The following TMEM209 variants were observed in gnomAD, a reference collection of about 807,000 sequenced individuals.
The protein encoded by TMEM209 is testicular tissue protein Li 202.
TMEM209 carries 65 observed loss-of-function variants against 76.2 expected under a neutral mutation model. The ratio of observed to expected loss-of-function variants is 0.85; its 90% CI spans 0.70 to 1.05. TMEM209 has a LOEUF of 1.05. Ranked by LOEUF, TMEM209 falls within the 50% of genes least tolerant of loss-of-function variation. The probability of loss-of-function intolerance (pLI) is 0.00; values close to 1 mark genes in which losing one functional copy is unlikely to be tolerated. For missense variants in TMEM209, 623 were observed against 685.5 expected (o/e 0.91, Z 1.02); for synonymous variants, 239 against 237.6 (o/e 1.01, Z -0.06).
chr7:130,181,819 A>G, intron 8 of TMEM209, 100 bp from the exon 9 acceptor site: 3 of 866,806 alleles, frequency 3.5e-6, no homozygotes, highest in Non-Finnish European at 5.4e-6. Context: ...TTTTTTTACT[A>G]TCTTATAGTT....
chr7:130,185,303 C>T lies in TMEM209; in HGVS notation c.840G>A (p.Gly280=). The T allele has an allele frequency of 6.2e-7, 1 of 1,613,934 alleles. No individual in the cohort carries two copies. ...PTFWNYSRSM[G]DYAQTLKKFQ... ...ACTTCTTTAAAGTTTGTGCATAATCCCCCATAGAACGACTATAGTTCCAGA... is the reference window on the plus strand; with the variant it reads ...ACTTCTTTAAAGTTTGTGCATAATCTCCCATAGAACGACTATAGTTCCAGA... The change falls in exon 7 of 15, where the codon GGG becomes GGA. Residue 280 remains glycine, a synonymous_variant. Transcript: ENST00000397622.
At chr7:130,171,803 G>A (rs1797075216) in intron 13 of TMEM209, among the ~76,000 whole-genome samples, 1 of 152,154 alleles carries the variant, frequency 6.6e-6, no homozygotes, top group Non-Finnish European at 1.5e-5. Context: ...GGCAAGGCAG[G>A]CGGATCACGA....
intron 13 of TMEM209, among the ~76,000 whole-genome samples, chr7:130,171,464 AAGAT>A (rs75307061): frequency 0.098 from 14,946 of 152,160 alleles, 758 homozygotes; most frequent in Middle Eastern, 0.14. Context: ...TGATTTTTAA[AAGAT>A]AATGTTTACA....
At chr7:130,198,571 A>T (rs1798075857) in intron 5 of TMEM209, among the ~76,000 whole-genome samples, 1 of 152,108 alleles carries the variant, frequency 6.6e-6, no homozygotes, top group Non-Finnish European at 1.5e-5. Context: ...AGATCACACC[A>T]CTGCACTCCA....
intron 5 of TMEM209, among the ~76,000 whole-genome samples, chr7:130,199,040 T>A (rs1798094184): frequency 6.6e-6 from 1 of 152,204 alleles, no homozygotes; most frequent in South Asian, 2.1e-4. Context: ...TTTTACATTT[T>A]ATGATGCTGT....
At chr7:130,187,977 T>C (rs920203853) in intron 6 of TMEM209, among the ~76,000 whole-genome samples, 2 of 152,146 alleles carry the variant, frequency 1.3e-5, no homozygotes, top group East Asian at 1.9e-4. Context: ...CCAAGAACTT[T>C]AGATAATTGA....
Position 130,202,577 on chromosome 7 carries a change from C to A in TMEM209, c.286G>T (p.Val96Phe). Residue 96 changes from valine (V) to phenylalanine (F), a missense_variant, in exon 4 of 15, where the codon GTT becomes TTT. Val to Phe is a conservative substitution (Grantham distance 50). Coordinates refer to ENST00000397622, the MANE Select transcript of TMEM209 (RefSeq NM_032842.4). ...AGTGTTTGCTGTCCAGGACTAACAA[C>A]CAGACTTGTTGGTGCCACAGTATAT... is the stretch of plus-strand genomic sequence containing the variant. ...FKYTVAPTSL[V>F]VSPGQQTLLG... is the part of the protein sequence containing the mutation. 1 of 1,613,692 alleles carries A rather than the reference C, an allele frequency of 6.2e-7. No homozygotes were observed. The highest frequency in any genetic ancestry group is 8.5e-7 in the Non-Finnish European group (1 of 1,179,758).
intron 13 of TMEM209, among the ~76,000 whole-genome samples, chr7:130,171,118 G>A (rs1417183582): frequency 1.3e-5 from 2 of 152,184 alleles, no homozygotes; most frequent in Non-Finnish European, 2.9e-5. Context: ...GTCTGGAAGA[G>A]CCTGGAGAGC....
At chr7:130,188,652 CA>C (rs1484558093) in intron 6 of TMEM209, among the ~76,000 whole-genome samples, 3 of 143,220 alleles carry the variant, frequency 2.1e-5, no homozygotes, top group Non-Finnish European at 4.6e-5. Context: ...ACCACTTTAT[CA>C]AGGACAAGGA....
chr7:130,171,903 C>T (rs1279766140), intron 13 of TMEM209, among the ~76,000 whole-genome samples: 1 of 151,896 alleles, frequency 6.6e-6, no homozygotes, highest in African/African-American at 2.4e-5. Flanking sequence ...CGTGGTGGCA[C>T]GCGCCTGTAG....
intron 6 of TMEM209, among the ~76,000 whole-genome samples, chr7:130,190,681 A>G (rs1463768365): frequency 6.6e-6 from 1 of 152,196 alleles, no homozygotes; most frequent in South Asian, 2.1e-4. Flanking sequence ...TAATCTTAAA[A>G]GGATGTTAGA....
Position 130,181,630 on chromosome 7 carries a change from C to T in TMEM209, c.1113G>A (p.Gln371=). 6.2e-7 allele frequency: 1 copy of T among 1,611,346 alleles called. No homozygotes were observed. Among genetic ancestry groups the T allele is most frequent in the Non-Finnish European group, 8.5e-7 (1 of 1,178,728 alleles). ...GGCTCTGTTTTCACATACCTCCTAT[C>T]TGTAGCTCTGGACAACCCATTCGTC... The part of the protein sequence containing the change: ...QMRRMGCPEL[Q]IGEASITSLK... The change falls in exon 9 of 15, where the codon CAG becomes CAA. Residue 371 remains glutamine (Q), a synonymous_variant. Coordinates refer to ENST00000397622, the MANE Select transcript of TMEM209 (RefSeq NM_032842.4).
At chr7:130,189,085 A>G (rs1403710119) in intron 6 of TMEM209, among the ~76,000 whole-genome samples, 2 of 152,220 alleles carry the variant, frequency 1.3e-5, no homozygotes, top group Non-Finnish European at 2.9e-5. Context: ...TGGATCCTGC[A>G]TCAATAAAAG....
intron 6 of TMEM209, among the ~76,000 whole-genome samples, chr7:130,186,968 C>A (rs764948446): frequency 6.6e-6 from 1 of 152,122 alleles, no homozygotes; most frequent in East Asian, 1.9e-4. Flanking sequence ...TAGGCCAGTG[C>A]GCGGTGGCTC....
rs574659318 is a variant in TMEM209 at position 130,190,491 on chromosome 7, C to G, written c.775+2131G>C. 4.6e-5 allele frequency among the ~76,000 whole-genome samples: 7 copies of G among 150,658 alleles called. No homozygotes were observed. The South Asian group carries it at 1.5e-3, about 32-fold the overall frequency. On this transcript the variant is annotated intron_variant, in intron 6 of 14. Transcript: ENST00000397622. ...CGAGATCGCACCACTGCACTCCAGC[C>G]TGGGCGACAGAGCCAAGACTCCATC... is the stretch of plus-strand genomic sequence containing the variant.
chr7:130,197,043 A>G (rs1018149783), intron 5 of TMEM209, among the ~76,000 whole-genome samples: 1 of 152,198 alleles, frequency 6.6e-6, no homozygotes, highest in African/African-American at 2.4e-5. Flanking sequence ...CCCAGGCAAC[A>G]TAGCAAGACC....
At chr7:130,170,540 CATA>C in intron 13 of TMEM209, 67 bp from the exon 14 acceptor site, 1 of 1,213,758 alleles carries the variant, frequency 8.2e-7, no homozygotes, top group Non-Finnish European at 1.2e-6. Flanking sequence ...TAGGTAAATA[CATA>C]TCTTATCAAT....
intron 10 of TMEM209, among the ~76,000 whole-genome samples, chr7:130,176,314 G>A (rs1341266008): frequency 1.3e-5 from 2 of 151,466 alleles, no homozygotes; most frequent in African/African-American, 2.4e-5. Flanking sequence ...GCAGAGATGG[G>A]GTTTCACCGT....
At chr7:130,188,622 A>G (rs1241883665) in intron 6 of TMEM209, among the ~76,000 whole-genome samples, 1 of 144,330 alleles carries the variant, frequency 6.9e-6, no homozygotes, top group Non-Finnish European at 1.5e-5. Context: ...AAAAAAAAAG[A>G]AAATCTCTAC....
Sources: allele counts gnomAD v4.1 joint callset (sites outside exome capture counted in the v4.1 genomes callset), GRCh38; gene constraint gnomAD v4.1.1; transcripts MANE v1.5; gene names NCBI Gene and HGNC (gene_info 2026-07-23, HGNC 2026-07-21).